WWOX: variants seen among roughly 807,000 people sequenced by gnomAD.
WWOX encodes WW domain-containing oxidoreductase.
In WWOX, 69 loss-of-function variants were observed where a neutral mutation model predicts 46.2. That is an observed-to-expected ratio of 1.49 (90% CI 1.23 to 1.82). The LOEUF (loss-of-function observed/expected upper bound fraction) is 1.82, where lower values mean the gene tolerates loss of function less well. Ranked by LOEUF, WWOX falls within the 40% of genes most tolerant of loss-of-function variation. WWOX has a pLI of 0.00. For synonymous variants in WWOX, 359 were observed against 202.6 expected (o/e 1.77, Z -6.56); for missense variants, 919 against 542.6 (o/e 1.69, Z -6.89).
chr16:79,201,990 G>A (rs964429994), intron 8 of WWOX, among the ~76,000 whole-genome samples: 5 of 152,180 alleles, frequency 3.3e-5, no homozygotes, highest in Non-Finnish European at 7.3e-5. Context: ...TTTAATAACA[G>A]TCTTAATCGT....
At chr16:78,114,799 C>A (rs539832086) in intron 3 of WWOX, among the ~76,000 whole-genome samples, 177 bp from the exon 4 acceptor site, 2 of 152,130 alleles carry the variant, frequency 1.3e-5, no homozygotes, top group South Asian at 2.1e-4. Flanking sequence ...TTTTTTGGCA[C>A]AAATGTGATC....
At chr16:78,399,430 C>CT (rs2082362090) in intron 6 of WWOX, among the ~76,000 whole-genome samples, 1 of 152,094 alleles carries the variant, frequency 6.6e-6, no homozygotes, top group Admixed American at 6.5e-5. Context: ...ATCTATGAAC[C>CT]TTAAGAGTGA....
At chr16:78,482,577 G>T (rs2084521337) in intron 8 of WWOX, among the ~76,000 whole-genome samples, 1 of 152,086 alleles carries the variant, frequency 6.6e-6, no homozygotes, top group South Asian at 2.1e-4. Flanking sequence ...TACTTACTGG[G>T]CCCTGTGCTA....
At chr16:79,000,423 A>C (rs1461314290) in intron 8 of WWOX, among the ~76,000 whole-genome samples, 1 of 152,194 alleles carries the variant, frequency 6.6e-6, no homozygotes, top group East Asian at 1.9e-4. Context: ...AGATTGAAAG[A>C]TCATCCTGGA....
Position 78,842,715 on chromosome 16 carries a change from A to G in WWOX, c.1057-368893A>G, listed in dbSNP as rs2052190438. Among the ~76,000 whole-genome samples the G allele has an allele frequency of 2.6e-5, 4 of 152,056 alleles. No homozygotes were observed. In the South Asian group the frequency reaches 8.3e-4, roughly 31 times the overall value. ...CCCATTTCTACAAGAAGTAAAAAAA[A>G]TCAACTCACACCTGTAGCCGCAGCT... is the stretch of plus-strand genomic sequence containing the variant. On this transcript the variant is annotated intron_variant, in intron 8 of 8. Transcript: ENST00000566780.
At chr16:78,884,310 A>G (rs1443775945) in intron 8 of WWOX, among the ~76,000 whole-genome samples, 1 of 151,586 alleles carries the variant, frequency 6.6e-6, no homozygotes, top group Non-Finnish European at 1.5e-5. Flanking sequence ...ACCATTTTTA[A>G]GACTATGACT....
intron 8 of WWOX, among the ~76,000 whole-genome samples, chr16:78,882,784 C>G (rs962695677): frequency 1.3e-4 from 19 of 151,336 alleles, no homozygotes; most frequent in Admixed American, 1.2e-3. Context: ...CCACCGCACC[C>G]GGTTATACAT....
intron 8 of WWOX, among the ~76,000 whole-genome samples, chr16:78,436,280 C>T (rs2151389914): frequency 6.6e-6 from 1 of 152,264 alleles, no homozygotes; most frequent in South Asian, 2.1e-4. Context: ...GCCCCAAAGA[C>T]TCAGGGAGAG....
chr16:78,112,332 C>A (rs555067923), intron 3 of WWOX, among the ~76,000 whole-genome samples: 1 of 152,114 alleles, frequency 6.6e-6, no homozygotes, highest in Non-Finnish European at 1.5e-5. Context: ...TCATAGATAC[C>A]ACTGACACTA....
intron 8 of WWOX, among the ~76,000 whole-genome samples, chr16:78,666,339 T>G (rs1224783920): frequency 6.6e-6 from 1 of 152,110 alleles, no homozygotes; most frequent in Non-Finnish European, 1.5e-5. Flanking sequence ...GGGGGTTACT[T>G]GTAACTGTGT....
intron 8 of WWOX, among the ~76,000 whole-genome samples, chr16:78,661,363 C>T (rs1467442865): frequency 6.6e-6 from 1 of 152,068 alleles, no homozygotes; most frequent in Non-Finnish European, 1.5e-5. Context: ...CTGAAGCGAC[C>T]ACTTCATAAC....
intron 8 of WWOX, among the ~76,000 whole-genome samples, chr16:78,791,485 G>C (rs1323504045): frequency 6.6e-6 from 1 of 152,162 alleles, no homozygotes; most frequent in Non-Finnish European, 1.5e-5. Flanking sequence ...TCAGCACTTT[G>C]CCCTGTCGTG....
chr16:78,831,168 GC>G (rs1293551668), intron 8 of WWOX, among the ~76,000 whole-genome samples: 1 of 152,152 alleles, frequency 6.6e-6, no homozygotes, highest in Non-Finnish European at 1.5e-5. Flanking sequence ...GAATTTGGGG[GC>G]TGAAGACCCT....
chr16:78,790,154 T>G (rs2050557279), intron 8 of WWOX, among the ~76,000 whole-genome samples: 1 of 152,194 alleles, frequency 6.6e-6, no homozygotes, highest in South Asian at 2.1e-4. Flanking sequence ...TTTATTTTTT[T>G]GGGACAGGGT....
At chr16:78,546,448 T>G (rs926681039) in intron 8 of WWOX, among the ~76,000 whole-genome samples, 2 of 152,198 alleles carry the variant, frequency 1.3e-5, no homozygotes, top group African/African-American at 4.8e-5. Context: ...TTCAAAAGAA[T>G]ACTGGACCCA....
intron 8 of WWOX, among the ~76,000 whole-genome samples, chr16:78,572,722 A>G (rs1281698186): frequency 6.6e-6 from 1 of 152,120 alleles, no homozygotes; most frequent in African/African-American, 2.4e-5. Context: ...ATAAAACTAT[A>G]AAGAAAACCA....
intron 8 of WWOX, among the ~76,000 whole-genome samples, chr16:78,650,416 T>G (rs1041099210): frequency 1.3e-5 from 2 of 152,186 alleles, no homozygotes; most frequent in African/African-American, 4.8e-5. Flanking sequence ...TTGTCACCTG[T>G]GTGAAATTGG....
At chr16:78,385,782 A>C (rs1360840358) in intron 5 of WWOX, among the ~76,000 whole-genome samples, 2 of 152,210 alleles carry the variant, frequency 1.3e-5, no homozygotes, top group African/African-American at 4.8e-5. Flanking sequence ...TTCCCAAGTC[A>C]ACCGTTTGTT....
chr16:78,526,700 C>T (rs565597846), intron 8 of WWOX, among the ~76,000 whole-genome samples: 1 of 152,134 alleles, frequency 6.6e-6, no homozygotes, highest in Non-Finnish European at 1.5e-5. Flanking sequence ...AAGACTGCAG[C>T]CTTTGCTGAC....
Sources: gnomAD v4.1 joint callset for allele counts (sites outside exome capture counted in the v4.1 genomes callset) on GRCh38, gnomAD v4.1.1 for gene constraint, MANE v1.5 for transcripts, NCBI Gene and HGNC (gene_info 2026-07-23, HGNC 2026-07-21) for gene names.